The following ERH variants were observed in gnomAD, a reference collection of about 807,000 sequenced individuals.
ERH encodes ERH mRNA splicing and mitosis factor, also known as enhancer of rudimentary homolog.
In ERH, 1 loss-of-function variant was observed where a neutral mutation model predicts 16.8. That is an observed-to-expected ratio of 0.06 (90% CI 0.02 to 0.28). The LOEUF (loss-of-function observed/expected upper bound fraction) is 0.28, where lower values mean the gene tolerates loss of function less well. Ranked by LOEUF, ERH falls within the 10% of genes least tolerant of loss-of-function variation. The pLI is 1.00. For synonymous variants in ERH, 43 were observed against 43.6 expected, an observed-to-expected ratio of 0.99 and a Z score of 0.05; for missense variants, 42 against 127.5, an observed-to-expected ratio of 0.33 and a Z score of 3.23.
chr14:69,387,162 T>TC, intron 2 of ERH, 79 bp from the exon 3 acceptor site: 1 of 1,118,354 alleles, frequency 8.9e-7, no homozygotes, highest in Non-Finnish European at 1.3e-6. Flanking sequence ...TGAGCTGTGC[T>TC]ATATGTTGAT....
intron 2 of ERH, among the ~76,000 whole-genome samples, chr14:69,390,572 T>G (rs1260295891): frequency 6.6e-6 from 1 of 152,130 alleles, no homozygotes; most frequent in Non-Finnish European, 1.5e-5. Flanking sequence ...GCCCAAACTA[T>G]AAGACCCATA....
intron 2 of ERH, 114 bp downstream of exon 2, chr14:69,394,711 G>A: frequency 1.7e-6 from 1 of 605,786 alleles, no homozygotes; most frequent in Admixed American, 3.2e-5. Flanking sequence ...AGGGTTGGAA[G>A]TGATAAAGGC....
intron 2 of ERH, among the ~76,000 whole-genome samples, chr14:69,388,893 A>T (rs1479868526): frequency 6.6e-6 from 1 of 152,242 alleles, no homozygotes; most frequent in Non-Finnish European, 1.5e-5. Flanking sequence ...CAACTATCTT[A>T]GGGCTTTTTA....
chr14:69,387,104 A>C, intron 2 of ERH, 21 bp from the exon 3 acceptor site: 1 of 1,610,132 alleles, frequency 6.2e-7, no homozygotes. Flanking sequence ...ATAGGAAAAA[A>C]AGCAAAATCT....
At chr14:69,396,596 A>T (rs1275673) in intron 1 of ERH, among the ~76,000 whole-genome samples, 123,960 of 152,244 alleles carry the variant, frequency 0.81, 51,533 homozygotes, top group African/African-American at 0.96. Flanking sequence ...AAATTGGAAC[A>T]GAAATAGCTG....
At chr14:69,388,156 TCAAA>T (rs369543843) in intron 2 of ERH, among the ~76,000 whole-genome samples, 1 of 152,156 alleles carries the variant, frequency 6.6e-6, no homozygotes, top group African/African-American at 2.4e-5. Flanking sequence ...ACCACACCTG[TCAAA>T]CAGAGTTAAG....
At chr14:69,392,366 G>T (rs1036093523) in intron 2 of ERH, among the ~76,000 whole-genome samples, 1 of 152,124 alleles carries the variant, frequency 6.6e-6, no homozygotes, top group Admixed American at 6.5e-5. Context: ...GTCATGAAAA[G>T]ACATGGGGGA....
intron 3 of ERH, among the ~76,000 whole-genome samples, chr14:69,381,696 T>A (rs947233277): frequency 1.3e-5 from 2 of 152,098 alleles, no homozygotes; most frequent in Non-Finnish European, 2.9e-5. Context: ...CACCGACCCC[T>A]GCTTTTTTTT....
chr14:69,391,289 T>C (rs967489291), intron 2 of ERH, among the ~76,000 whole-genome samples: 1 of 152,122 alleles, frequency 6.6e-6, no homozygotes, highest in Non-Finnish European at 1.5e-5. Flanking sequence ...GGGAATATTA[T>C]TCAGCAATAA....
At chr14:69,390,525 C>G (rs977697654) in intron 2 of ERH, among the ~76,000 whole-genome samples, 2 of 152,134 alleles carry the variant, frequency 1.3e-5, no homozygotes, top group Non-Finnish European at 2.9e-5. Flanking sequence ...TGAAGTTGGA[C>G]ACATCTCTAC....
intron 3 of ERH, among the ~76,000 whole-genome samples, chr14:69,386,072 C>G (rs1343849815): frequency 1.3e-5 from 2 of 152,224 alleles, no homozygotes; most frequent in Admixed American, 1.3e-4. Flanking sequence ...AAGTACCATG[C>G]AACATTCATT....
chr14:69,395,187 C>T (rs993479857), intron 1 of ERH, among the ~76,000 whole-genome samples: 1 of 152,116 alleles, frequency 6.6e-6, no homozygotes, highest in African/African-American at 2.4e-5. Flanking sequence ...TGCCTGTAGT[C>T]CCAGCACTTT....
At chr14:69,389,189 G>A (rs1007609716) in intron 2 of ERH, among the ~76,000 whole-genome samples, 1 of 152,088 alleles carries the variant, frequency 6.6e-6, no homozygotes, top group African/African-American at 2.4e-5. Flanking sequence ...ACCACACCCG[G>A]CTAATTTTTG....
rs201047258 is a variant in ERH at position 69,398,214 on chromosome 14, G to A, written c.3+17C>T. 1.6e-4 allele frequency: 259 copies of A among 1,613,910 alleles called. 1 individual carries two copies. The highest frequency in any genetic ancestry group is 2.0e-4 in the Non-Finnish European group (239 of 1,180,008). On this transcript the variant is annotated intron_variant, in intron 1 of 3. Transcript: ENST00000557016. ...GCCGGGGACTCGGACTCGGGTAGCC[G>A]CGGAGGCCTTTCTCACCATCGCGCC...
intron 2 of ERH, among the ~76,000 whole-genome samples, chr14:69,389,948 G>A (rs1236525989): frequency 6.6e-6 from 1 of 152,102 alleles, no homozygotes; most frequent in Non-Finnish European, 1.5e-5. Flanking sequence ...TTGGAGAGCA[G>A]GGGTTTCATC....
At position 69,398,267 on chromosome 14, in the gene ERH, A is replaced by G; in HGVS notation, c.-34T>C. ...ACTCTCTTCGCTACAGCAGCTGCCGACACCGCCGCCGTTACACGAGCTTAA... is the reference window on the plus strand; with the variant it reads ...ACTCTCTTCGCTACAGCAGCTGCCGGCACCGCCGCCGTTACACGAGCTTAA... On this transcript the variant is annotated 5_prime_UTR_variant, in exon 1 of 4. Transcript: ENST00000557016. The G allele has an allele frequency of 2.5e-6, 4 of 1,612,894 alleles. No homozygotes were observed. The highest frequency in any genetic ancestry group is 3.4e-6 in the Non-Finnish European group (4 of 1,179,766).
intron 2 of ERH, among the ~76,000 whole-genome samples, chr14:69,388,719 G>A (rs181087753): frequency 3.9e-4 from 60 of 152,164 alleles, no homozygotes; most frequent in Admixed American, 1.0e-3. Context: ...GTCTATTCCC[G>A]CTGTCAACTA....
At chr14:69,397,452 GAA>G (rs201254745) in intron 1 of ERH, among the ~76,000 whole-genome samples, 10 of 127,422 alleles carry the variant, frequency 7.8e-5, no homozygotes, top group Non-Finnish European at 1.3e-4. Flanking sequence ...TCAAAAACAG[GAA>G]AAAAAAAAAA....
intron 2 of ERH, among the ~76,000 whole-genome samples, chr14:69,393,822 G>C (rs1882273190): frequency 6.6e-6 from 1 of 152,158 alleles, no homozygotes; most frequent in Admixed American, 6.6e-5. Flanking sequence ...AGAAGTCTGA[G>C]ACCAACATGT....
Sources: gnomAD v4.1 joint callset for allele counts (sites outside exome capture counted in the v4.1 genomes callset) on GRCh38, gnomAD v4.1.1 for gene constraint, MANE v1.5 for transcripts, NCBI Gene and HGNC (gene_info 2026-07-23, HGNC 2026-07-21) for gene names.